The following TSC22D1 variants were observed in gnomAD, a reference collection of about 807,000 sequenced individuals.
The protein encoded by TSC22D1 is TSC22 domain family protein 1.
Under a neutral mutation model 74.2 loss-of-function variants are expected in TSC22D1, and 9 were observed. The ratio of observed to expected loss-of-function variants is 0.12; its 90% CI spans 0.07 to 0.21. TSC22D1 has a LOEUF of 0.21. Among genes scored for constraint, TSC22D1 ranks in the 10% least tolerant of loss-of-function variants. The pLI is 1.00. For synonymous variants in TSC22D1, 586 were observed against 492.5 expected (o/e 1.19, Z -2.51); for missense variants, 1,427 against 1,304.7 (o/e 1.09, Z -1.44).
chr13:44,515,270 G>A (rs1330615184), intron 1 of TSC22D1, among the ~76,000 whole-genome samples: 1 of 151,888 alleles, frequency 6.6e-6, no homozygotes, highest in Non-Finnish European at 1.5e-5. Flanking sequence ...TAAGTAAAAT[G>A]TGGTATATCC....
chr13:44,478,273 GAAAA>G (rs1566131708), intron 1 of TSC22D1, among the ~76,000 whole-genome samples: 1 of 151,990 alleles, frequency 6.6e-6, no homozygotes, highest in African/African-American at 2.4e-5. Context: ...GTTTTATACA[GAAAA>G]AATACATGTA....
intron 2 of TSC22D1, 21 bp from the exon 3 acceptor site, chr13:44,434,904 G>T (rs373759863): frequency 6.3e-7 from 1 of 1,589,302 alleles, no homozygotes; most frequent in Non-Finnish European, 8.6e-7. Flanking sequence ...GACAGAAAAG[G>T]TTTAACTCAT....
At chr13:44,548,315 G>A (rs945650828) in intron 1 of TSC22D1, among the ~76,000 whole-genome samples, 5 of 152,220 alleles carry the variant, frequency 3.3e-5, no homozygotes, top group Admixed American at 2.0e-4. Flanking sequence ...TCAGGAGTTA[G>A]AGACCAGCCT....
chr13:44,451,844 A>G (rs757808245), intron 1 of TSC22D1, among the ~76,000 whole-genome samples: 9 of 152,182 alleles, frequency 5.9e-5, no homozygotes, highest in Non-Finnish European at 8.8e-5. Flanking sequence ...GGGCCACTGC[A>G]TGCCCGTATC....
intron 1 of TSC22D1, among the ~76,000 whole-genome samples, chr13:44,474,636 A>ATTGCATCCTT (rs1877792810): frequency 6.6e-6 from 1 of 152,038 alleles, no homozygotes; most frequent in Non-Finnish European, 1.5e-5. Flanking sequence ...AAAAAACAAT[A>ATTGCATCCTT]AGGATGCAAG....
intron 1 of TSC22D1, among the ~76,000 whole-genome samples, chr13:44,557,203 C>T (rs975741325): frequency 6.6e-6 from 1 of 151,984 alleles, no homozygotes; most frequent in Non-Finnish European, 1.5e-5. Flanking sequence ...TGGCACACAC[C>T]TGTAATCCCA....
At chr13:44,532,886 C>A (rs760346528) in intron 1 of TSC22D1, among the ~76,000 whole-genome samples, 101 of 152,118 alleles carry the variant, frequency 6.6e-4, no homozygotes, top group Non-Finnish European at 9.9e-4. Context: ...AAATTAATAG[C>A]TATCTTGAAG....
chr13:44,574,900 G>A lies in TSC22D1; in HGVS notation c.1175C>T (p.Ser392Leu), dbSNP rs764300814. The A allele has an allele frequency of 1.4e-5, 22 of 1,613,880 alleles. No individual in the cohort carries two copies. The highest frequency in any genetic ancestry group is 2.7e-5 in the African/African-American group (2 of 74,862). ...PNAAAGMTGG[S>L]VSSQQQQPTV... ...TGGTTGTTGCTGCTGACTTGAAACCGATCCCCCAGTCATCCCTGCAGCTGC... is the reference window on the plus strand; with the variant it reads ...TGGTTGTTGCTGCTGACTTGAAACCAATCCCCCAGTCATCCCTGCAGCTGC... Residue 392 changes from serine (S) to leucine (L), a missense_variant, in exon 1 of 3, where the codon TCG (serine) becomes TTG (leucine). Ser to Leu is a moderately radical substitution (Grantham distance 145). Around this residue, in one of 3 missense-constraint regions of TSC22D1, gnomAD observed 1,343 missense variants for 1,191.5 expected, o/e 1.13. Coordinates refer to ENST00000458659, the MANE Select transcript of TSC22D1 (RefSeq NM_183422.4).
chr13:44,556,008 C>T lies in TSC22D1; in HGVS notation c.2912+17155G>A, dbSNP rs374366825. ...ATTACTGGCTTTCAGTCACTTTTGG[C>T]TATTTCATACTGGCAGAAAGTAAAA... On this transcript the variant is annotated intron_variant, in intron 1 of 2. Coordinates refer to ENST00000458659, the MANE Select transcript of TSC22D1 (RefSeq NM_183422.4). 1.1e-4 allele frequency among the ~76,000 whole-genome samples: 17 copies of T among 152,056 alleles called. No homozygotes were observed. The East Asian group carries it at 1.3e-3, about 12-fold the overall frequency.
At chr13:44,551,389 G>GGTGGGTGTGTGTGTGTGTGTGTGT (rs1298469090) in intron 1 of TSC22D1, among the ~76,000 whole-genome samples, 10 of 125,252 alleles carry the variant, frequency 8.0e-5, no homozygotes, top group African/African-American at 2.8e-4. Flanking sequence ...CAATCAGATG[G>GGTGGGTGTGTGTGTGTGTGTGTGT]GTGTGTGTGT....
chr13:44,447,833 CTTTTTTTTTT>C (rs5803260), intron 1 of TSC22D1, among the ~76,000 whole-genome samples: 1 of 129,470 alleles, frequency 7.7e-6, no homozygotes, highest in African/African-American at 2.9e-5. Context: ...AATGCCTTTT[CTTTTTTTTTT>C]TTTTTTTTTT....
chr13:44,517,867 T>A (rs1224883743), intron 1 of TSC22D1, among the ~76,000 whole-genome samples: 81 of 87,830 alleles, frequency 9.2e-4, no homozygotes, highest in African/African-American at 3.0e-3. Context: ...ATTTTTTTTT[T>A]TTTTTTTTTT....
intron 1 of TSC22D1, among the ~76,000 whole-genome samples, chr13:44,494,541 C>A (rs1878877937): frequency 6.6e-6 from 1 of 151,478 alleles, no homozygotes; most frequent in Admixed American, 6.6e-5. Flanking sequence ...CTGGGCAACA[C>A]AGCGAGACCC....
At chr13:44,558,166 C>G (rs1315713268) in intron 1 of TSC22D1, among the ~76,000 whole-genome samples, 2 of 152,104 alleles carry the variant, frequency 1.3e-5, no homozygotes, top group Admixed American at 6.6e-5. Flanking sequence ...TTTTGTTCTT[C>G]TCAATGGACA....
At chr13:44,572,970 T>C (rs936444559) in intron 1 of TSC22D1, among the ~76,000 whole-genome samples, 193 bp downstream of exon 1, 1 of 152,240 alleles carries the variant, frequency 6.6e-6, no homozygotes, top group African/African-American at 2.4e-5. Context: ...ATTGTTTACA[T>C]ATTACTATTA....
chr13:44,552,358 C>G (rs535085420), intron 1 of TSC22D1, among the ~76,000 whole-genome samples: 1 of 152,302 alleles, frequency 6.6e-6, no homozygotes, highest in South Asian at 2.1e-4. Context: ...ACATGAGGAA[C>G]AGAGAACATA....
chr13:44,557,420 C>T (rs1309448386), intron 1 of TSC22D1, among the ~76,000 whole-genome samples: 4 of 152,224 alleles, frequency 2.6e-5, no homozygotes, highest in African/African-American at 7.2e-5. Flanking sequence ...GAGATCACGT[C>T]ACTGCACTCC....
chr13:44,528,386 A>G (rs80181802), intron 1 of TSC22D1, among the ~76,000 whole-genome samples: 408 of 152,248 alleles, frequency 2.7e-3, no homozygotes, highest in African/African-American at 9.1e-3. Flanking sequence ...CATACCAAAT[A>G]TTTACAGATA....
At chr13:44,557,148 G>GAAA (rs1009761458) in intron 1 of TSC22D1, among the ~76,000 whole-genome samples, 1 of 129,894 alleles carries the variant, frequency 7.7e-6, no homozygotes. Context: ...AGTCTCAAAG[G>GAAA]AAAAAAAAAA....
Sources: allele counts gnomAD v4.1 joint callset (sites outside exome capture counted in the v4.1 genomes callset), GRCh38; gene constraint gnomAD v4.1.1; regional missense constraint gnomAD v4.1.1; transcripts MANE v1.5; gene names NCBI Gene and HGNC (gene_info 2026-07-23, HGNC 2026-07-21).